The following ARHGAP24 variants were observed in gnomAD, a reference collection of about 807,000 sequenced individuals.
ARHGAP24 encodes rho GTPase-activating protein 24.
Under a neutral mutation model 76.4 loss-of-function variants are expected in ARHGAP24, and 50 were observed. The ratio of observed to expected loss-of-function variants is 0.65; its 90% CI spans 0.52 to 0.83. The LOEUF (loss-of-function observed/expected upper bound fraction) is 0.83. ARHGAP24 is among the 40% of genes least tolerant of loss of function. The pLI is 0.00. For missense variants in ARHGAP24, 930 were observed against 914.2 expected, an observed-to-expected ratio of 1.02 and a Z score of -0.22; for synonymous variants, 345 against 323.3, an observed-to-expected ratio of 1.07 and a Z score of -0.72.
chr4:85,902,735 C>T (rs983680845), intron 3 of ARHGAP24, among the ~76,000 whole-genome samples: 3 of 152,212 alleles, frequency 2.0e-5, no homozygotes, highest in Admixed American at 6.5e-5. Context: ...TCCTAAGTAG[C>T]TGGGATTACA....
At chr4:85,726,496 T>A (rs1211269655) in intron 3 of ARHGAP24, among the ~76,000 whole-genome samples, 3 of 152,154 alleles carry the variant, frequency 2.0e-5, no homozygotes, top group Non-Finnish European at 2.9e-5. Context: ...CGGTGATCCC[T>A]CTCAAGTTTG....
chr4:85,611,514 C>G (rs1199142984), intron 2 of ARHGAP24, among the ~76,000 whole-genome samples: 1 of 152,062 alleles, frequency 6.6e-6, no homozygotes, highest in African/African-American at 2.4e-5. Context: ...TTGTGTTTAG[C>G]ACTTTCTTTT....
At chr4:85,793,943 G>A (rs1728235281) in intron 3 of ARHGAP24, among the ~76,000 whole-genome samples, 2 of 152,178 alleles carry the variant, frequency 1.3e-5, no homozygotes, top group African/African-American at 4.8e-5. Context: ...TGAGAAGAAA[G>A]TTTTGTGATT....
intron 6 of ARHGAP24, 39 bp downstream of exon 6, chr4:85,972,207 G>A (rs1262568080): frequency 1.9e-6 from 3 of 1,609,988 alleles, no homozygotes; most frequent in Non-Finnish European, 2.5e-6. Context: ...GCTTTTGTTT[G>A]GAATTTTTTT....
At chr4:85,725,316 G>T (rs542656347) in intron 3 of ARHGAP24, among the ~76,000 whole-genome samples, 10 of 152,150 alleles carry the variant, frequency 6.6e-5, no homozygotes, top group Non-Finnish European at 1.0e-4. Context: ...TTCTTGAAGT[G>T]CATATATTTA....
intron 2 of ARHGAP24, among the ~76,000 whole-genome samples, chr4:85,718,171 G>T (rs1023558989): frequency 1.3e-5 from 2 of 152,016 alleles, no homozygotes; most frequent in Non-Finnish European, 2.9e-5. Context: ...AACATAAAAT[G>T]TTCCTTATAA....
intron 2 of ARHGAP24, among the ~76,000 whole-genome samples, chr4:85,649,376 A>G (rs76195297): frequency 0.013 from 1,973 of 152,232 alleles, 42 homozygotes; most frequent in African/African-American, 0.045. Context: ...CTTAGTGCTG[A>G]GGAAACAATG....
chr4:85,909,281 A>G (rs970264928), intron 3 of ARHGAP24, among the ~76,000 whole-genome samples: 3 of 151,518 alleles, frequency 2.0e-5, no homozygotes, highest in African/African-American at 7.3e-5. Flanking sequence ...AACTGGATTT[A>G]TATGGGTTTT....
chr4:85,751,002 A>G (rs755403791), intron 3 of ARHGAP24, among the ~76,000 whole-genome samples: 3 of 152,244 alleles, frequency 2.0e-5, no homozygotes, highest in African/African-American at 4.8e-5. Flanking sequence ...AAATGCCACA[A>G]AAGAATACAC....
At chr4:85,731,952 C>A (rs779834555) in intron 3 of ARHGAP24, among the ~76,000 whole-genome samples, 2 of 152,104 alleles carry the variant, frequency 1.3e-5, no homozygotes, top group Non-Finnish European at 2.9e-5. Flanking sequence ...CCAATAGTGT[C>A]TTTTATTACT....
intron 1 of ARHGAP24, 34 bp from the exon 2 acceptor site, chr4:85,570,487 CT>C: frequency 6.4e-7 from 1 of 1,561,518 alleles, no homozygotes; most frequent in East Asian, 2.3e-5. Context: ...AACAGAGCAC[CT>C]CATTATTTTC....
chr4:85,974,913 T>C lies in ARHGAP24; in HGVS notation c.758T>C (p.Val253Ala). Residue 253 changes from valine (V) to alanine (A), a missense_variant, in exon 7 of 10, where the codon GTG (valine) becomes GCG (alanine). Physicochemically the swap from Val to Ala is moderately conservative, Grantham distance 64. Coordinates refer to ENST00000395184, the MANE Select transcript of ARHGAP24 (RefSeq NM_001025616.3). ...GGTGTTAAGGAATTAGCAAAGCAGG[T>C]GAAGAGTTTGCCAGTGGTAAATTAC... ...EAGVKELAKQ[V>A]KSLPVVNYNL... 1 of 1,613,934 alleles carries C rather than the reference T, an allele frequency of 6.2e-7. No homozygotes were observed. The highest frequency in any genetic ancestry group is 1.1e-5 in the South Asian group (1 of 91,082).
At chr4:85,826,294 C>G (rs780719061) in intron 3 of ARHGAP24, among the ~76,000 whole-genome samples, 1 of 152,198 alleles carries the variant, frequency 6.6e-6, no homozygotes, top group Non-Finnish European at 1.5e-5. Flanking sequence ...TAATCCCCTT[C>G]TCCATCCCCC....
intron 6 of ARHGAP24, 85 bp downstream of exon 6, chr4:85,972,253 G>T (rs1578450107): frequency 1.9e-6 from 3 of 1,559,698 alleles, no homozygotes; most frequent in Non-Finnish European, 2.6e-6. Flanking sequence ...AATTTCCATT[G>T]CCCTATCCCG....
chr4:85,902,234 C>A (rs1315840910), intron 3 of ARHGAP24, among the ~76,000 whole-genome samples: 2 of 152,096 alleles, frequency 1.3e-5, no homozygotes, highest in Non-Finnish European at 2.9e-5. Flanking sequence ...TTCTTCATGG[C>A]AAATTTAATA....
chr4:85,579,054 C>T (rs1318741559), intron 2 of ARHGAP24, among the ~76,000 whole-genome samples: 2 of 152,180 alleles, frequency 1.3e-5, no homozygotes, highest in East Asian at 1.9e-4. Flanking sequence ...CTTTTCTGGG[C>T]TCCTTCAGAG....
intron 1 of ARHGAP24, among the ~76,000 whole-genome samples, chr4:85,527,483 A>G (rs997625849): frequency 1.3e-5 from 2 of 152,088 alleles, no homozygotes; most frequent in African/African-American, 2.4e-5. Flanking sequence ...ACAGAAATTT[A>G]GATACAATAA....
At chr4:85,807,932 T>C (rs62318360) in intron 3 of ARHGAP24, among the ~76,000 whole-genome samples, 1 of 152,190 alleles carries the variant, frequency 6.6e-6, no homozygotes, top group African/African-American at 2.4e-5. Context: ...TTTTTATTTT[T>C]GTCTCCCCCT....
intron 2 of ARHGAP24, among the ~76,000 whole-genome samples, chr4:85,639,328 A>AT (rs1269924959): frequency 1.3e-5 from 2 of 152,040 alleles, no homozygotes; most frequent in African/African-American, 4.8e-5. Flanking sequence ...ATCTCAGTGC[A>AT]TTTTTTTAGC....
Sources: gnomAD v4.1 joint callset for allele counts (sites outside exome capture counted in the v4.1 genomes callset) on GRCh38, gnomAD v4.1.1 for gene constraint, MANE v1.5 for transcripts, NCBI Gene and HGNC (gene_info 2026-07-23, HGNC 2026-07-21) for gene names.